CASC3: variants seen among roughly 807,000 people sequenced by gnomAD.
The protein encoded by CASC3 is CASC3 exon junction complex subunit, also known as protein CASC3.
A neutral mutation model predicts 80.5 loss-of-function variants in CASC3; 30 were observed. The ratio of observed to expected loss-of-function variants is 0.37; its 90% CI spans 0.28 to 0.51. The LOEUF (loss-of-function observed/expected upper bound fraction) is 0.51, where lower values mean the gene tolerates loss of function less well. Among genes scored for constraint, CASC3 ranks in the 20% least tolerant of loss-of-function variants. The probability of loss-of-function intolerance (pLI) is 0.94; values close to 1 mark genes in which losing one functional copy is unlikely to be tolerated. For missense variants in CASC3, 824 were observed against 922.2 expected, an observed-to-expected ratio of 0.89 and a Z score of 1.38; for synonymous variants, 312 against 333.6, an observed-to-expected ratio of 0.94 and a Z score of 0.70.
intron 3 of CASC3, among the ~76,000 whole-genome samples, chr17:40,147,516 G>A (rs912412965): frequency 2.0e-5 from 3 of 151,918 alleles, no homozygotes; most frequent in South Asian, 2.1e-4. Flanking sequence ...TCTTGGTGGC[G>A]CAGGCCTGTG....
rs530724959 is a variant in CASC3, at chr17:40,145,164, TTTTTG to T, written c.297+3577_297+3581del. Among the ~76,000 whole-genome samples, 18 of 138,530 alleles carry T rather than the reference TTTTTG, an allele frequency of 1.3e-4. No individual in the cohort carries two copies. The East Asian group carries it at 2.5e-3, about 19-fold the overall frequency. The allele number at this position is 138,530 out of a possible 152,430, so 90.9% of individuals were successfully genotyped here. The stretch of plus-strand genomic sequence containing the variant: ...GCATGAGCCACCGTGCCCCCCATTT[TTTTTG>T]TTTTGTTTTGTTTTGTTTTTTAAGA... On this transcript the variant is annotated intron_variant, in intron 3 of 13. Coordinates refer to ENST00000264645, the MANE Select transcript of CASC3 (RefSeq NM_007359.5).
At chr17:40,167,668 A>C in intron 9 of CASC3, 56 bp downstream of exon 9, 3 of 1,407,256 alleles carry the variant, frequency 2.1e-6, no homozygotes, top group Non-Finnish European at 3.0e-6. Context: ...GTGAAGTAAG[A>C]TACCAGGCTC....
rs1284574412 is a variant in CASC3, at chr17:40,168,389, C to A, written c.1937C>A (p.Pro646Gln). ...GCTCCAGGGGCACTGCCTCCCCCAC[C>A]ACCGCCTCATCTGTATCCTAATACA... Reference protein sequence around the residue: ...PYAPGALPPPPPPHLYPNTQA... With the variant: ...PYAPGALPPPQPPHLYPNTQA... Residue 646 changes from proline (P) to glutamine (Q), a missense_variant, in exon 11 of 14, where the codon CCA becomes CAA. Coordinates refer to ENST00000264645, the MANE Select transcript of CASC3 (RefSeq NM_007359.5). 2 of 1,613,980 alleles carry A rather than the reference C, an allele frequency of 1.2e-6. No homozygotes were observed. Among genetic ancestry groups the A allele is most frequent in the African/African-American group, 1.3e-5 (1 of 74,896 alleles).
Position 40,141,602 on chromosome 17 carries a change from T to A in CASC3, c.292T>A (p.Ser98Thr). ...CTCGGATTATGAAAGTGCAGAAGACTCGGAAGTGAGTATGACAGGTTTTTT... is the reference window on the plus strand; with the variant it reads ...CTCGGATTATGAAAGTGCAGAAGACACGGAAGTGAGTATGACAGGTTTTTT... ...VLSDYESAED[S>T]EGEEGEYSEE... is the part of the protein sequence containing the mutation. Residue 98 changes from serine (S) to threonine (T), a missense_variant, in exon 3 of 14, where the codon TCG (serine) becomes ACG (threonine). Transcript: ENST00000264645. The A allele has an allele frequency of 6.2e-7, 1 of 1,613,368 alleles. No individual in the cohort carries two copies. The highest frequency in any genetic ancestry group is 8.5e-7 in the Non-Finnish European group (1 of 1,179,368).
At position 40,164,183 on chromosome 17, in the gene CASC3, T is replaced by A. The variant is rs770841384; in HGVS notation, c.1471+17T>A. On this transcript the variant is annotated intron_variant, in intron 7 of 13. Transcript: ENST00000264645. ...AACTTCGAGGTAGGTATCATAGGAT[T>A]GGTGGCTAGCTTTTTCCCCTTTGCA... 6.4e-7 allele frequency: 1 copy of A among 1,570,328 alleles called. No homozygotes were observed. The highest frequency in any genetic ancestry group is 8.6e-7 in the Non-Finnish European group (1 of 1,161,792).
chr17:40,165,996 T>C (rs1419451817), intron 7 of CASC3, among the ~76,000 whole-genome samples: 1 of 152,070 alleles, frequency 6.6e-6, no homozygotes, highest in Non-Finnish European at 1.5e-5. Flanking sequence ...CTTGAACTCC[T>C]GGGCTCAAGC....
In CASC3 at chr17:40,167,967, C is replaced by CT; in HGVS notation, c.1750+21dup. The CT allele has an allele frequency of 6.2e-7, 1 of 1,601,874 alleles. No individual in the cohort carries two copies. The highest frequency in any genetic ancestry group is 8.6e-7 in the Non-Finnish European group (1 of 1,168,932). On this transcript the variant is annotated intron_variant, in intron 10 of 13. Transcript: ENST00000264645. ...CACCCAGGTAAGCTTTGTGTCTCTG[C>CT]TTATATGCTTCCAGTACCTGAGGAT...
intron 3 of CASC3, among the ~76,000 whole-genome samples, chr17:40,143,856 AAAAG>A (rs1220778412): frequency 2.0e-5 from 3 of 152,088 alleles, no homozygotes; most frequent in Non-Finnish European, 2.9e-5. Context: ...ATATATTAAT[AAAAG>A]AACGTAATTG....
At chr17:40,155,458 C>G (rs895062004) in intron 3 of CASC3, among the ~76,000 whole-genome samples, 2 of 152,078 alleles carry the variant, frequency 1.3e-5, no homozygotes, top group Admixed American at 1.3e-4. Flanking sequence ...AGCAGTTTTA[C>G]TTATAATAAA....
At chr17:40,141,954 T>C (rs1988729217) in intron 3 of CASC3, among the ~76,000 whole-genome samples, 1 of 152,214 alleles carries the variant, frequency 6.6e-6, no homozygotes, top group Non-Finnish European at 1.5e-5. Flanking sequence ...ATTGGTTATT[T>C]TTTTCCAAAT....
chr17:40,169,432 C>T lies in CASC3; in HGVS notation c.2074C>T (p.Pro692Ser). ...GACTCCCCAGCCAGTCACCATCAAG[C>T]CCCCTCCACCTGAGGTATGAGAGTT... Reference protein sequence around the residue: ...RRTPQPVTIKPPPPEVVSRGS... With the variant: ...RRTPQPVTIKSPPPEVVSRGS... The change falls in exon 12 of 14, where the codon CCC becomes TCC. Residue 692 changes from proline (P) to serine (S), a missense_variant. Transcript: ENST00000264645. 3.1e-6 allele frequency: 5 copies of T among 1,608,824 alleles called. No homozygotes were observed. The highest frequency in any genetic ancestry group is 3.4e-6 in the Non-Finnish European group (4 of 1,177,986).
At chr17:40,150,418 G>C (rs1360568619) in intron 3 of CASC3, among the ~76,000 whole-genome samples, 1 of 10,752 alleles carries the variant, frequency 9.3e-5, no homozygotes, top group South Asian at 2.2e-3. Context: ...GTGTGTGCGT[G>C]TGTGTGTGTG....
chr17:40,150,415 CGTGTGT>C (rs10545573), intron 3 of CASC3, among the ~76,000 whole-genome samples: 105 of 148,846 alleles, frequency 7.1e-4, no homozygotes, highest in South Asian at 6.5e-4. Flanking sequence ...AGAGTGTGTG[CGTGTGT>C]GTGTGTGTGT....
chr17:40,162,932 T>G (rs1989340679), intron 6 of CASC3, 31 bp downstream of exon 6: 1 of 1,600,450 alleles, frequency 6.2e-7, no homozygotes, highest in Non-Finnish European at 8.6e-7. Flanking sequence ...AAGACCAGGC[T>G]GGGTATGGTG....
rs201811717 is a variant in CASC3 at position 40,163,461 on chromosome 17, C to G, written c.786-20C>G. 2 of 1,589,550 alleles carry G rather than the reference C, an allele frequency of 1.3e-6. No homozygotes were observed. Among genetic ancestry groups the G allele is most frequent in the African/African-American group, 1.4e-5 (1 of 73,070 alleles). ...CCTTTTGTTAATTTCCTAACAGTTT[C>G]TTCATTCCATTTTTTGTAGATATGG... On this transcript the variant is annotated intron_variant, in intron 6 of 13. Transcript: ENST00000264645.
At chr17:40,166,691 A>G (rs1163838168) in intron 7 of CASC3, 106 bp from the exon 8 acceptor site, 1 of 674,492 alleles carries the variant, frequency 1.5e-6, no homozygotes, top group African/African-American at 1.9e-5. Context: ...GTTAAAAGAA[A>G]AAAGGCATTC....
rs1356493830 is a variant in CASC3, at chr17:40,145,749, A to AT, written c.297+4145dup. On this transcript the variant is annotated intron_variant, in intron 3 of 13. Coordinates refer to ENST00000264645, the MANE Select transcript of CASC3 (RefSeq NM_007359.5). ...AAAAAAAAGTGATGCGATTGGATTT[A>AT]TTTATTCATTTTTTAAAAATTTTTA... is the stretch of plus-strand genomic sequence containing the variant. Among the ~76,000 whole-genome samples the AT allele has an allele frequency of 4.0e-5, 6 of 151,660 alleles. 1 individual carries two copies. The highest frequency in any genetic ancestry group is 8.8e-5 in the Non-Finnish European group (6 of 67,920).
intron 3 of CASC3, among the ~76,000 whole-genome samples, chr17:40,142,386 C>T (rs1988740482): frequency 6.6e-6 from 1 of 152,224 alleles, no homozygotes; most frequent in Admixed American, 6.5e-5. Flanking sequence ...TAGGGTGTTA[C>T]AGCTGGGTAC....
At chr17:40,150,418 G>A (rs1360568619) in intron 3 of CASC3, among the ~76,000 whole-genome samples, 1 of 10,752 alleles carries the variant, frequency 9.3e-5, no homozygotes, top group Non-Finnish European at 3.2e-4. Flanking sequence ...GTGTGTGCGT[G>A]TGTGTGTGTG....
Sources: gnomAD v4.1 joint callset for allele counts (sites outside exome capture counted in the v4.1 genomes callset) on GRCh38, gnomAD v4.1.1 for gene constraint, MANE v1.5 for transcripts, NCBI Gene and HGNC (gene_info 2026-07-23, HGNC 2026-07-21) for gene names.